The following GALNT13 variants were observed in gnomAD, a reference collection of about 807,000 sequenced individuals.
GALNT13 encodes the protein polypeptide N-acetylgalactosaminyltransferase 13.
GALNT13 carries 28 observed loss-of-function variants against 64.2 expected under a neutral mutation model. The observed-to-expected ratio is 0.44, with a 90% confidence interval of 0.32 to 0.60. The LOEUF (loss-of-function observed/expected upper bound fraction) is 0.60, where lower values mean the gene tolerates loss of function less well. GALNT13 is among the 20% of genes least tolerant of loss of function. GALNT13 has a pLI of 0.05. For missense variants in GALNT13, 577 were observed against 669.8 expected, an observed-to-expected ratio of 0.86 and a Z score of 1.53; for synonymous variants, 214 against 224.6, an observed-to-expected ratio of 0.95 and a Z score of 0.42.
chr2:153,222,413 G>T, the GALNT13 span, among the ~76,000 whole-genome samples: 8 of 74,268 alleles, frequency 1.1e-4, no homozygotes, highest in Non-Finnish European at 1.7e-4. Context: ...GCCGGGCCTG[G>T]AGAAAGCACC....
the GALNT13 span, among the ~76,000 whole-genome samples, chr2:153,790,457 T>G: frequency 6.6e-6 from 1 of 152,044 alleles, no homozygotes; most frequent in Non-Finnish European, 1.5e-5. Flanking sequence ...TACCTCAAAA[T>G]AATAAGAGCC....
At chr2:153,074,504 G>T in the GALNT13 span, among the ~76,000 whole-genome samples, 68 of 152,116 alleles carry the variant, frequency 4.5e-4, no homozygotes, top group Non-Finnish European at 7.9e-4. Flanking sequence ...AACCTAGAAG[G>T]TGTAACCTGC....
At chr2:154,320,262 T>C (rs1694552638) in intron 9 of GALNT13, among the ~76,000 whole-genome samples, 1 of 152,132 alleles carries the variant, frequency 6.6e-6, no homozygotes, top group Non-Finnish European at 1.5e-5. Flanking sequence ...AATTTCTTCA[T>C]TGTCAAGGGA....
rs1645208956 is a variant in GALNT13 at position 154,409,666 on chromosome 2, A to G, written c.1395+584A>G. Among the ~76,000 whole-genome samples the G allele has an allele frequency of 2.0e-5, 3 of 152,018 alleles. No homozygotes were observed. The South Asian group carries it at 6.2e-4, about 32-fold the overall frequency. ...GGCTGTGAGTCTTCAGGACAGAGCT[A>G]TTTTACTGCCATGGCCACTTTGAGA... On this transcript the variant is annotated intron_variant, in intron 11 of 12. Transcript: ENST00000392825.
the GALNT13 span, among the ~76,000 whole-genome samples, chr2:153,554,203 T>C: frequency 1.3e-5 from 2 of 149,806 alleles, no homozygotes; most frequent in African/African-American, 4.9e-5. Context: ...GATGGGTGCC[T>C]GTAGTCCCAG....
At chr2:154,058,487 G>A (rs1054011668) in intron 3 of GALNT13, among the ~76,000 whole-genome samples, 2 of 152,212 alleles carry the variant, frequency 1.3e-5, no homozygotes, top group East Asian at 3.8e-4. Context: ...AGGAAAAGTG[G>A]GAAAGAGATA....
chr2:153,911,086 T>C lies in GALNT13; in HGVS notation c.-105+10079T>C, dbSNP rs186254810. On this transcript the variant is annotated intron_variant, in intron 2 of 12. Coordinates refer to ENST00000392825, the MANE Select transcript of GALNT13 (RefSeq NM_052917.4). ...CCTTGAAGGTCACTAAGAACTTCCT[T>C]TGTGAATCTGGATGCTTCTCAGTTG... is the stretch of plus-strand genomic sequence containing the variant. Among the ~76,000 whole-genome samples the C allele has an allele frequency of 2.5e-3, 382 of 152,290 alleles. 1 individual carries two copies. The highest frequency in any genetic ancestry group is 3.9e-3 in the Non-Finnish European group (268 of 68,022).
At chr2:153,884,766 A>AATATATAT (rs372541314) in intron 1 of GALNT13, among the ~76,000 whole-genome samples, 4,829 of 116,226 alleles carry the variant, frequency 0.042, 201 homozygotes, top group South Asian at 0.088. Context: ...TAAAAATACG[A>AATATATAT]ATATATATAT....
the GALNT13 span, among the ~76,000 whole-genome samples, chr2:153,205,936 T>G: frequency 9.2e-5 from 14 of 152,178 alleles, 1 homozygote; most frequent in African/African-American, 3.4e-4. Flanking sequence ...TTTTCTACTA[T>G]CTAATCAAAC....
intron 9 of GALNT13, among the ~76,000 whole-genome samples, chr2:154,309,491 G>A (rs1693917529): frequency 1.3e-5 from 2 of 152,158 alleles, no homozygotes; most frequent in Non-Finnish European, 1.5e-5. Context: ...CCCATCTGGT[G>A]AGGGCCTTGT....
At position 154,409,046 on chromosome 2, in the gene GALNT13, G is replaced by T; in HGVS notation, c.1359G>T (p.Val453=). The T allele has an allele frequency of 6.2e-7, 1 of 1,611,120 alleles. No homozygotes were observed. Among genetic ancestry groups the T allele is most frequent in the Non-Finnish European group, 8.5e-7 (1 of 1,177,856 alleles). Residue 453 remains valine (V), a synonymous_variant, in exon 11 of 13, where the codon GTG becomes GTT. Transcript: ENST00000392825. Reference sequence around the variant, plus strand: ...TGGGCCGCAAGGAAAATGAAAAAGTGGGTATATTCAACTGTCATGGTATGG... The same window carrying T: ...TGGGCCGCAAGGAAAATGAAAAAGTTGGTATATTCAACTGTCATGGTATGG... ...DNMGRKENEK[V]GIFNCHGMGG... is the part of the protein sequence containing the mutation.
chr2:153,835,919 A>G, the GALNT13 span, among the ~76,000 whole-genome samples: 3 of 152,044 alleles, frequency 2.0e-5, no homozygotes, highest in Non-Finnish European at 4.4e-5. Flanking sequence ...TAATATGTCC[A>G]TTTTAGCTTT....
the GALNT13 span, among the ~76,000 whole-genome samples, chr2:153,464,891 A>G: frequency 6.6e-6 from 1 of 152,262 alleles, no homozygotes; most frequent in East Asian, 1.9e-4. Flanking sequence ...ATGTACGAAG[A>G]ATAATATAAA....
the GALNT13 span, among the ~76,000 whole-genome samples, chr2:153,572,954 C>A: frequency 6.6e-6 from 1 of 151,566 alleles, no homozygotes; most frequent in Non-Finnish European, 1.5e-5. Flanking sequence ...TCTATTAGAT[C>A]CATTTGGTCA....
At chr2:153,404,264 C>A in the GALNT13 span, among the ~76,000 whole-genome samples, 1 of 152,072 alleles carries the variant, frequency 6.6e-6, no homozygotes, top group Non-Finnish European at 1.5e-5. Flanking sequence ...TTGGTGTCAG[C>A]CATTTTATGA....
At chr2:153,220,240 G>A in the GALNT13 span, among the ~76,000 whole-genome samples, 5 of 152,188 alleles carry the variant, frequency 3.3e-5, no homozygotes, top group African/African-American at 1.2e-4. Context: ...TGACCATCAG[G>A]TGATGGTCAG....
At chr2:154,099,165 A>G (rs1574496158) in intron 3 of GALNT13, among the ~76,000 whole-genome samples, 1 of 152,154 alleles carries the variant, frequency 6.6e-6, no homozygotes, top group South Asian at 2.1e-4. Flanking sequence ...TTTGTCTAAC[A>G]ATTAGTGATG....
the GALNT13 span, among the ~76,000 whole-genome samples, chr2:153,187,175 T>C: frequency 6.6e-6 from 1 of 152,196 alleles, no homozygotes; most frequent in Admixed American, 6.5e-5. Flanking sequence ...AAAATAATAA[T>C]TGACATAATA....
the GALNT13 span, among the ~76,000 whole-genome samples, chr2:153,774,557 A>G: frequency 1.3e-5 from 2 of 152,178 alleles, no homozygotes; most frequent in Non-Finnish European, 2.9e-5. Context: ...CCCTTTGACA[A>G]GAAAACTTTT....
Sources: allele counts gnomAD v4.1 joint callset (sites outside exome capture counted in the v4.1 genomes callset), GRCh38; gene constraint gnomAD v4.1.1; transcripts MANE v1.5; gene names NCBI Gene and HGNC (gene_info 2026-07-23, HGNC 2026-07-21).